UHRF2: variants seen among roughly 807,000 people sequenced by gnomAD.
UHRF2 encodes the protein ubiquitin like with PHD and ring finger domains 2.
A neutral mutation model predicts 96.8 loss-of-function variants in UHRF2; 23 were observed. That is an observed-to-expected ratio of 0.24 (90% CI 0.17 to 0.34). The LOEUF (loss-of-function observed/expected upper bound fraction) is 0.34, where lower values mean the gene tolerates loss of function less well. UHRF2 is among the 10% of genes least tolerant of loss of function. The pLI, the probability that UHRF2 is intolerant of heterozygous loss-of-function variation, is 1.00. For missense variants in UHRF2, 685 were observed against 981.5 expected, an observed-to-expected ratio of 0.70 and a Z score of 4.04; for synonymous variants, 385 against 332.6, an observed-to-expected ratio of 1.16 and a Z score of -1.72.
chr9:6,460,899 G>A (rs994931713), intron 4 of UHRF2, 108 bp downstream of exon 4: 2 of 866,196 alleles, frequency 2.3e-6, no homozygotes, highest in Admixed American at 7.1e-5. Context: ...GTCTATAAAA[G>A]ATGGAAATTT....
At chr9:6,486,329 C>T (rs1017164837) in intron 8 of UHRF2, among the ~76,000 whole-genome samples, 2 of 152,134 alleles carry the variant, frequency 1.3e-5, no homozygotes, top group African/African-American at 4.8e-5. Flanking sequence ...GAGGTAAAAT[C>T]AGCAATCCTT....
chr9:6,447,880 G>T (rs750668481), intron 3 of UHRF2, among the ~76,000 whole-genome samples: 5 of 152,174 alleles, frequency 3.3e-5, no homozygotes, highest in Non-Finnish European at 7.3e-5. Context: ...GAAGGCTCAG[G>T]CCTTGAATTC....
chr9:6,430,804 C>T (rs1169343661), intron 2 of UHRF2, among the ~76,000 whole-genome samples: 40 of 152,206 alleles, frequency 2.6e-4, no homozygotes, highest in Admixed American at 6.5e-5. Flanking sequence ...GTTCCCTCTG[C>T]CTCCTGACCA....
chr9:6,492,557 A>AT (rs772934073), intron 9 of UHRF2: 2 of 166,106 alleles, frequency 1.2e-5, no homozygotes, highest in Non-Finnish European at 2.5e-5. Context: ...AGACCATGAG[A>AT]TGTTTATTTG....
chr9:6,451,564 C>T (rs1821867033), intron 3 of UHRF2, among the ~76,000 whole-genome samples: 1 of 151,562 alleles, frequency 6.6e-6, no homozygotes, highest in Non-Finnish European at 1.5e-5. Context: ...GCAGGCTCCG[C>T]CCCCCGGGGT....
At chr9:6,422,346 C>G (rs959061611) in intron 2 of UHRF2, among the ~76,000 whole-genome samples, 1 of 152,154 alleles carries the variant, frequency 6.6e-6, no homozygotes, top group Non-Finnish European at 1.5e-5. Context: ...TCCCAAAGTG[C>G]TGGGATTACA....
Position 6,474,704 on chromosome 9 carries a change from C to T in UHRF2, c.864-687C>T, listed in dbSNP as rs559050120. ...CTGGTGACAGAGCGAGACTCCATCT[C>T]AATAAATAATACAAACAAACAAATA... On this transcript the variant is annotated intron_variant, in intron 4 of 15. Transcript: ENST00000276893. Among the ~76,000 whole-genome samples, 182 of 152,216 alleles carry T rather than the reference C, an allele frequency of 1.2e-3. 1 individual carries two copies. The highest frequency in any genetic ancestry group is 4.3e-3 in the African/African-American group (177 of 41,524).
chr9:6,473,224 A>G (rs568546623), intron 4 of UHRF2, among the ~76,000 whole-genome samples: 2 of 152,330 alleles, frequency 1.3e-5, no homozygotes, highest in East Asian at 3.9e-4. Flanking sequence ...GTCAAAGATG[A>G]GACAATTTGA....
At chr9:6,417,534 C>G (rs909530213) in intron 1 of UHRF2, among the ~76,000 whole-genome samples, 15 of 152,184 alleles carry the variant, frequency 9.9e-5, no homozygotes, top group Non-Finnish European at 2.1e-4. Context: ...AGTAAATCAT[C>G]TCAACACTTC....
chr9:6,503,206 G>T (rs1363398797), intron 14 of UHRF2, among the ~76,000 whole-genome samples: 1 of 152,068 alleles, frequency 6.6e-6, no homozygotes, highest in African/African-American at 2.4e-5. Context: ...ATGTTGGCCA[G>T]GTTGGTCTAG....
chr9:6,453,923 G>A (rs938523996), intron 3 of UHRF2, among the ~76,000 whole-genome samples: 1 of 151,950 alleles, frequency 6.6e-6, no homozygotes, highest in African/African-American at 2.4e-5. Context: ...AAAAAAAGTA[G>A]GGATTGAAAT....
At chr9:6,495,378 GT>G (rs2130955394) in intron 10 of UHRF2, 1 of 152,332 alleles carries the variant, frequency 6.6e-6, no homozygotes, top group South Asian at 2.1e-4. Context: ...TATACGTTAA[GT>G]TGTGAATACG....
At chr9:6,482,967 T>G (rs1028880407) in intron 8 of UHRF2, among the ~76,000 whole-genome samples, 2 of 152,162 alleles carry the variant, frequency 1.3e-5, no homozygotes, top group Non-Finnish European at 2.9e-5. Context: ...ACTTATCCCT[T>G]GGTATCTGTC....
At chr9:6,498,180 C>T (rs1825074971) in intron 12 of UHRF2, 22 bp downstream of exon 12, 1 of 1,608,348 alleles carries the variant, frequency 6.2e-7, no homozygotes, top group Admixed American at 1.7e-5. Context: ...TTTGTCTAGG[C>T]TGCCTGTGTG....
chr9:6,469,852 T>C (rs1018751364), intron 4 of UHRF2, among the ~76,000 whole-genome samples: 3 of 151,724 alleles, frequency 2.0e-5, no homozygotes, highest in Non-Finnish European at 4.4e-5. Context: ...GAAAACAGTA[T>C]TTGAAAATAT....
chr9:6,446,292 A>C (rs904971717), intron 3 of UHRF2, among the ~76,000 whole-genome samples: 3 of 151,916 alleles, frequency 2.0e-5, no homozygotes, highest in African/African-American at 7.3e-5. Context: ...ATGGAATTAC[A>C]GGCGTGTGCA....
chr9:6,491,952 T>C (rs1280852806), intron 9 of UHRF2, among the ~76,000 whole-genome samples: 1 of 152,196 alleles, frequency 6.6e-6, no homozygotes, highest in Admixed American at 6.5e-5. Context: ...AGGCTGGTCT[T>C]GAACTCCTGG....
chr9:6,470,703 G>A (rs974833804), intron 4 of UHRF2, among the ~76,000 whole-genome samples: 1 of 152,272 alleles, frequency 6.6e-6, no homozygotes, highest in East Asian at 1.9e-4. Flanking sequence ...TGAGATTCTG[G>A]CATCATTGGG....
chr9:6,480,376 C>G (rs1823849087), intron 6 of UHRF2, among the ~76,000 whole-genome samples: 1 of 152,168 alleles, frequency 6.6e-6, no homozygotes, highest in Admixed American at 6.5e-5. Flanking sequence ...ACATTTATCC[C>G]CAGCACGAAA....
Sources: allele counts gnomAD v4.1 joint callset (sites outside exome capture counted in the v4.1 genomes callset), GRCh38; gene constraint gnomAD v4.1.1; transcripts MANE v1.5; gene names NCBI Gene and HGNC (gene_info 2026-07-23, HGNC 2026-07-21).